The following CDK8 variants were observed in gnomAD, a reference collection of about 807,000 sequenced individuals.
CDK8 encodes the protein cyclin dependent kinase 8, also known as cyclin-dependent kinase 8.
In CDK8, 29 loss-of-function variants were observed where a neutral mutation model predicts 71.5. The observed-to-expected ratio is 0.41, with a 90% CI of 0.30 to 0.55. The LOEUF is 0.55. Ranked by LOEUF, CDK8 falls within the 20% of genes least tolerant of loss-of-function variation. The pLI, the probability that CDK8 is intolerant of heterozygous loss-of-function variation, is 0.37. For synonymous variants in CDK8, 161 were observed against 192.1 expected (o/e 0.84, Z 1.34); for missense variants, 288 against 572.6 (o/e 0.50, Z 5.07).
At chr13:26,321,664 A>G (rs1379888706) in intron 1 of CDK8, among the ~76,000 whole-genome samples, 3 of 152,128 alleles carry the variant, frequency 2.0e-5, no homozygotes, top group East Asian at 1.9e-4. Context: ...TAATGGCCTT[A>G]TAAGTTAAAA....
intron 1 of CDK8, among the ~76,000 whole-genome samples, chr13:26,282,700 C>T (rs1872808754): frequency 6.6e-6 from 1 of 152,128 alleles, no homozygotes; most frequent in Non-Finnish European, 1.5e-5. Flanking sequence ...ATGAATAAAA[C>T]AGTACCTCAC....
chr13:26,368,589 A>G (rs1463355515), intron 4 of CDK8, among the ~76,000 whole-genome samples: 1 of 152,236 alleles, frequency 6.6e-6, no homozygotes, highest in Non-Finnish European at 1.5e-5. Context: ...AAAAATTGGA[A>G]TCCATGAAAT....
intron 4 of CDK8, among the ~76,000 whole-genome samples, chr13:26,380,142 G>A (rs1157818353): frequency 2.0e-5 from 3 of 152,190 alleles, no homozygotes; most frequent in Non-Finnish European, 4.4e-5. Flanking sequence ...TGGACCTTAT[G>A]TAGGAGTGGG....
chr13:26,361,421 T>C (rs1267763415), intron 4 of CDK8, among the ~76,000 whole-genome samples: 1 of 152,212 alleles, frequency 6.6e-6, no homozygotes, highest in Non-Finnish European at 1.5e-5. Flanking sequence ...ATGCATTTAA[T>C]ACACCTAAAC....
intron 1 of CDK8, among the ~76,000 whole-genome samples, chr13:26,263,485 A>G (rs1435768467): frequency 6.7e-6 from 1 of 149,766 alleles, no homozygotes; most frequent in East Asian, 2.0e-4. Context: ...CTTGTTGCCC[A>G]CGCTAGGGTG....
intron 3 of CDK8, among the ~76,000 whole-genome samples, chr13:26,350,780 A>G (rs995472837): frequency 3.3e-5 from 5 of 152,158 alleles, no homozygotes; most frequent in African/African-American, 1.2e-4. Flanking sequence ...GCTATATTGA[A>G]AAAAATTACT....
At chr13:26,315,596 A>C (rs1471352668) in intron 1 of CDK8, among the ~76,000 whole-genome samples, 1 of 152,178 alleles carries the variant, frequency 6.6e-6, no homozygotes, top group Non-Finnish European at 1.5e-5. Flanking sequence ...TTTGTGAAAG[A>C]GTTGATAGTC....
chr13:26,391,369 G>C (rs1875738460), intron 6 of CDK8, among the ~76,000 whole-genome samples: 1 of 152,200 alleles, frequency 6.6e-6, no homozygotes, highest in Non-Finnish European at 1.5e-5. Flanking sequence ...AGCCTCCTGA[G>C]TAGCTGGGAC....
At position 26,400,562 on chromosome 13, in the gene CDK8, AGTTG is replaced by A; in HGVS notation, c.1031+16_1031+19del. The A allele has an allele frequency of 6.6e-7, 1 of 1,521,268 alleles. No individual in the cohort carries two copies. The highest frequency in any genetic ancestry group is 2.3e-5 in the East Asian group (1 of 44,312). The allele number at this position is 1,521,268 out of a possible 1,614,324, so 94.2% of individuals were successfully genotyped here. On this transcript the variant is annotated intron_variant, in intron 10 of 12. Transcript: ENST00000381527. Reference sequence around the variant, plus strand: ...CTTCCTACATCAGAGTAAGTGGCCTAGTTGGTTAACTCATCAGCATGATGGAAGT... The same window carrying A: ...CTTCCTACATCAGAGTAAGTGGCCTAGTTAACTCATCAGCATGATGGAAGT...
chr13:26,385,193 T>C lies in CDK8; in HGVS notation c.515-18T>C, dbSNP rs1451913462. On this transcript the variant is annotated intron_variant, in intron 5 of 12. Coordinates refer to ENST00000381527, the MANE Select transcript of CDK8 (RefSeq NM_001260.3). The stretch of plus-strand genomic sequence containing the variant: ...AAAATCATTTACTTAGCATGATTTT[T>C]TTTTTATTATTTTACAGCTGACATG... 1.3e-6 allele frequency: 2 copies of C among 1,579,616 alleles called. No homozygotes were observed. Among genetic ancestry groups the C allele is most frequent in the African/African-American group, 2.7e-5 (2 of 72,782 alleles).
In CDK8 at chr13:26,305,424, T is replaced by C. The variant is rs562983469; in HGVS notation, c.129-32143T>C. Among the ~76,000 whole-genome samples the C allele has an allele frequency of 3.9e-5, 6 of 152,324 alleles. No homozygotes were observed. In the East Asian group the frequency reaches 1.2e-3, roughly 29 times the overall value. ...TTAAAATAATTTTTCTAAGAAGTAC[T>C]TAAGTGTGGTTTTCTTATGCTGCTG... On this transcript the variant is annotated intron_variant, in intron 1 of 12. Coordinates refer to ENST00000381527, the MANE Select transcript of CDK8 (RefSeq NM_001260.3).
chr13:26,262,330 G>A (rs375411809), intron 1 of CDK8, among the ~76,000 whole-genome samples: 34 of 152,312 alleles, frequency 2.2e-4, no homozygotes, highest in African/African-American at 7.7e-4. Context: ...GGCAATGATT[G>A]TGTTCTCCCC....
rs376226775 is a variant in CDK8, at chr13:26,403,943, A to T, written c.1270-13A>T. On this transcript the variant is annotated splice_polypyrimidine_tract_variant and intron_variant, in intron 12 of 12. Transcript: ENST00000381527. ...AGCACCTGAATCACACTTTTCCCTC[A>T]TCTCCTTTCCAGCGTTCCAATCCAC... 6.2e-7 allele frequency: 1 copy of T among 1,609,770 alleles called. No homozygotes were observed. Among genetic ancestry groups the T allele is most frequent in the Non-Finnish European group, 8.5e-7 (1 of 1,179,768 alleles).
chr13:26,271,249 T>C (rs1245895809), intron 1 of CDK8, among the ~76,000 whole-genome samples: 1 of 152,188 alleles, frequency 6.6e-6, no homozygotes, highest in Non-Finnish European at 1.5e-5. Context: ...AGTTGTGTGT[T>C]GCTTAATGAC....
At chr13:26,296,331 A>C (rs1196011470) in intron 1 of CDK8, among the ~76,000 whole-genome samples, 1 of 152,206 alleles carries the variant, frequency 6.6e-6, no homozygotes, top group Non-Finnish European at 1.5e-5. Flanking sequence ...TTTTGGACAA[A>C]GGGCTCTTTG....
At position 26,283,405 on chromosome 13, in the gene CDK8, C is replaced by T. The variant is rs145511720; in HGVS notation, c.128+28636C>T. 7.4e-3 allele frequency among the ~76,000 whole-genome samples: 1,051 copies of T among 141,746 alleles called. 8 individuals carry two copies. Among genetic ancestry groups the T allele is most frequent in the Middle Eastern group, 0.031 (7 of 226 alleles). The allele number at this position is 141,746 out of a possible 152,430, so 93.0% of individuals were successfully genotyped here. A position where few individuals can be genotyped will look rare whatever the true frequency, so the allele number is the denominator to read the frequency against. On this transcript the variant is annotated intron_variant, in intron 1 of 12. Transcript: ENST00000381527. ...CGGGCGGATCACAAGGTTAGGAGAT[C>T]GAGACCTTCCTGGCTAACACGGTGA...
At chr13:26,381,071 T>C (rs1875202591) in intron 4 of CDK8, among the ~76,000 whole-genome samples, 1 of 152,164 alleles carries the variant, frequency 6.6e-6, no homozygotes, top group Non-Finnish European at 1.5e-5. Flanking sequence ...ATGAATTTGA[T>C]GGGAAGAGAT....
At chr13:26,311,923 A>G (rs1315944430) in intron 1 of CDK8, among the ~76,000 whole-genome samples, 4 of 152,230 alleles carry the variant, frequency 2.6e-5, no homozygotes, top group Non-Finnish European at 2.9e-5. Context: ...TCAGCATTCT[A>G]TAAAGAATCA....
intron 1 of CDK8, among the ~76,000 whole-genome samples, chr13:26,266,299 G>A (rs1872015374): frequency 6.6e-6 from 1 of 152,214 alleles, no homozygotes; most frequent in Non-Finnish European, 1.5e-5. Context: ...AGTACTTAAA[G>A]TGGTAGCTTT....
Sources: gnomAD v4.1 joint callset for allele counts (sites outside exome capture counted in the v4.1 genomes callset) on GRCh38, gnomAD v4.1.1 for gene constraint, MANE v1.5 for transcripts, NCBI Gene and HGNC (gene_info 2026-07-23, HGNC 2026-07-21) for gene names.